PDSS2: variants seen among roughly 807,000 people sequenced by gnomAD.
The protein encoded by PDSS2 is decaprenyl diphosphate synthase subunit 2.
Under a neutral mutation model 44.5 loss-of-function variants are expected in PDSS2, and 31 were observed. The observed-to-expected ratio is 0.70, with a 90% CI of 0.52 to 0.94. The LOEUF (loss-of-function observed/expected upper bound fraction) is 0.94, where lower values mean the gene tolerates loss of function less well. PDSS2 is among the 40% of genes least tolerant of loss of function. The pLI is 0.00. For synonymous variants in PDSS2, 157 were observed against 180.3 expected, an observed-to-expected ratio of 0.87 and a Z score of 1.03; for missense variants, 452 against 482.2, an observed-to-expected ratio of 0.94 and a Z score of 0.59.
chr6:107,211,637 G>A (rs912531622), intron 5 of PDSS2, among the ~76,000 whole-genome samples: 2 of 151,734 alleles, frequency 1.3e-5, no homozygotes, highest in African/African-American at 4.8e-5. Flanking sequence ...GGCTGAGGCA[G>A]GAGAATCGCT....
chr6:107,439,773 G>A (rs1781461229), intron 1 of PDSS2, among the ~76,000 whole-genome samples: 1 of 152,150 alleles, frequency 6.6e-6, no homozygotes, highest in Admixed American at 6.5e-5. Flanking sequence ...CAATAGACTG[G>A]CTGAATAAGC....
At chr6:107,371,667 G>T (rs1337808758) in intron 1 of PDSS2, among the ~76,000 whole-genome samples, 1 of 152,206 alleles carries the variant, frequency 6.6e-6, no homozygotes, top group Non-Finnish European at 1.5e-5. Flanking sequence ...GAATTAGTAA[G>T]AATGAAGGCA....
chr6:107,190,872 C>T (rs565353671), intron 7 of PDSS2, among the ~76,000 whole-genome samples: 15 of 152,100 alleles, frequency 9.9e-5, no homozygotes, highest in Admixed American at 2.0e-4. Context: ...CCGAATGTGC[C>T]GGATAGACAA....
intron 2 of PDSS2, among the ~76,000 whole-genome samples, chr6:107,301,198 C>A (rs1776683042): frequency 6.6e-6 from 1 of 152,148 alleles, no homozygotes; most frequent in Admixed American, 6.6e-5. Flanking sequence ...ATATATTACT[C>A]CTTTCCTTGA....
intron 1 of PDSS2, among the ~76,000 whole-genome samples, chr6:107,405,283 G>A (rs1277278506): frequency 1.3e-5 from 2 of 151,990 alleles, no homozygotes; most frequent in Non-Finnish European, 2.9e-5. Context: ...AATGCTCAAA[G>A]GAGTCCTAAA....
chr6:107,414,545 A>T (rs1464384168), intron 1 of PDSS2, among the ~76,000 whole-genome samples: 1 of 152,254 alleles, frequency 6.6e-6, no homozygotes, highest in Admixed American at 6.5e-5. Flanking sequence ...GCCAGATAAA[A>T]TAGGTGGCTG....
chr6:107,295,837 T>G (rs1776491961), intron 2 of PDSS2, among the ~76,000 whole-genome samples: 1 of 151,828 alleles, frequency 6.6e-6, no homozygotes, highest in African/African-American at 2.4e-5. Flanking sequence ...AGAATAATTT[T>G]TTTTAGAGAA....
chr6:107,359,495 A>C (rs1397254067), intron 1 of PDSS2, among the ~76,000 whole-genome samples: 2 of 151,722 alleles, frequency 1.3e-5, no homozygotes, highest in African/African-American at 4.8e-5. Context: ...ATGGAGGCAC[A>C]CACCTGTAAT....
At chr6:107,273,789 T>A (rs1032239322) in intron 3 of PDSS2, among the ~76,000 whole-genome samples, 1 of 148,772 alleles carries the variant, frequency 6.7e-6, no homozygotes, top group African/African-American at 2.4e-5. Flanking sequence ...TTTAACCCTA[T>A]CCTATAATTA....
intron 1 of PDSS2, among the ~76,000 whole-genome samples, chr6:107,386,928 T>C (rs1779629137): frequency 6.6e-6 from 1 of 152,236 alleles, no homozygotes; most frequent in Admixed American, 6.5e-5. Flanking sequence ...TTGTCCCAGC[T>C]ATCCTTCTCC....
intron 5 of PDSS2, among the ~76,000 whole-genome samples, chr6:107,211,143 G>C (rs984620252): frequency 1.8e-4 from 27 of 151,810 alleles, no homozygotes; most frequent in African/African-American, 6.3e-4. Context: ...TTAATAAATA[G>C]AATTGCTTAA....
At chr6:107,423,690 G>A (rs998310006) in intron 1 of PDSS2, among the ~76,000 whole-genome samples, 1 of 152,092 alleles carries the variant, frequency 6.6e-6, no homozygotes, top group African/African-American at 2.4e-5. Flanking sequence ...TGAATTAAGA[G>A]GACTTACAAT....
intron 3 of PDSS2, among the ~76,000 whole-genome samples, chr6:107,268,946 T>TG (rs1775498417): frequency 6.6e-6 from 1 of 151,868 alleles, no homozygotes; most frequent in South Asian, 2.1e-4. Context: ...AATAGTATTT[T>TG]TTTTTTTTTC....
At chr6:107,314,054 G>A (rs1777129116) in intron 2 of PDSS2, among the ~76,000 whole-genome samples, 2 of 152,218 alleles carry the variant, frequency 1.3e-5, no homozygotes, top group South Asian at 2.1e-4. Flanking sequence ...AGAGTCCAAG[G>A]TTGCAGTGAA....
intron 1 of PDSS2, among the ~76,000 whole-genome samples, chr6:107,447,314 C>T (rs1167614976): frequency 5.9e-5 from 9 of 151,906 alleles, no homozygotes; most frequent in Non-Finnish European, 1.0e-4. Context: ...CCAGCCTGGG[C>T]GACAGAGTGA....
chr6:107,218,875 T>C (rs921855677), intron 4 of PDSS2, among the ~76,000 whole-genome samples: 11 of 152,088 alleles, frequency 7.2e-5, no homozygotes, highest in African/African-American at 2.7e-4. Flanking sequence ...CTGGCCAACA[T>C]GGTGAAACTT....
intron 4 of PDSS2, among the ~76,000 whole-genome samples, chr6:107,241,731 T>C (rs1349543012): frequency 6.6e-6 from 1 of 152,166 alleles, no homozygotes; most frequent in Non-Finnish European, 1.5e-5. Flanking sequence ...TCTACCTTAG[T>C]CACATATATG....
intron 1 of PDSS2, among the ~76,000 whole-genome samples, chr6:107,455,702 C>T (rs1317004144): frequency 7.1e-6 from 1 of 140,226 alleles, no homozygotes; most frequent in Non-Finnish European, 1.5e-5. Flanking sequence ...TGCAGTGAGC[C>T]GAGATCAGGC....
intron 7 of PDSS2, among the ~76,000 whole-genome samples, chr6:107,191,821 A>G (rs1241924824): frequency 6.6e-6 from 1 of 152,108 alleles, no homozygotes; most frequent in Non-Finnish European, 1.5e-5. Context: ...CATATTATCC[A>G]GGCTGGTCTT....
Sources: gnomAD v4.1 joint callset for allele counts (sites outside exome capture counted in the v4.1 genomes callset) on GRCh38, gnomAD v4.1.1 for gene constraint, MANE v1.5 for transcripts, NCBI Gene and HGNC (gene_info 2026-07-23, HGNC 2026-07-21) for gene names.